EFR3B: variants seen among roughly 807,000 people sequenced by gnomAD.
EFR3B encodes the protein EFR3 homolog B, also known as protein EFR3 homolog B.
EFR3B carries 64 observed loss-of-function variants against 104.7 expected under a neutral mutation model. The ratio of observed to expected loss-of-function variants is 0.61; its 90% CI spans 0.50 to 0.75. The LOEUF (loss-of-function observed/expected upper bound fraction) is 0.75, where lower values mean the gene tolerates loss of function less well. Among genes scored for constraint, EFR3B ranks in the 30% least tolerant of loss-of-function variants. The pLI, the probability that EFR3B is intolerant of heterozygous loss-of-function variation, is 0.00. For synonymous variants in EFR3B, 385 were observed against 417.9 expected, an observed-to-expected ratio of 0.92 and a Z score of 0.96; for missense variants, 750 against 1,078.5, an observed-to-expected ratio of 0.70 and a Z score of 4.27.
At chr2:25,151,069 A>C (rs534463361) in intron 20 of EFR3B, among the ~76,000 whole-genome samples, 5 of 152,182 alleles carry the variant, frequency 3.3e-5, no homozygotes, top group South Asian at 2.1e-4. Context: ...AAAAAAAAAA[A>C]AAAAACTCAA....
In EFR3B at chr2:25,156,290, G is replaced by GTTTTTTCTTTT. The variant is rs1671166574; in HGVS notation, c.*1956_*1957insCTTTTTTTTTT. On this transcript the variant is annotated 3_prime_UTR_variant, in exon 23 of 23. Transcript: ENST00000403714. ...TGTGGGCACACAGCTTCTTTTTCTT[G>GTTTTTTCTTTT]TTTTTTTTTTTTTTTTTTTTTTTTT... 1.4e-5 allele frequency: 1 copy of GTTTTTTCTTTT among 71,750 alleles called. No homozygotes were observed. Among genetic ancestry groups the GTTTTTTCTTTT allele is most frequent in the African/African-American group, 5.6e-5 (1 of 17,866 alleles). 4.4% of individuals were successfully genotyped at this position (71,750 alleles called of 1,614,324 possible).
In EFR3B at chr2:25,135,594, G is replaced by A; in HGVS notation, c.1439G>A (p.Ser480Asn). 2.6e-6 allele frequency: 4 copies of A among 1,551,964 alleles called. No individual in the cohort carries two copies. The highest frequency in any genetic ancestry group is 3.5e-6 in the Non-Finnish European group (4 of 1,147,072). ...CTCTTTGTTCTAGAGATTCTCATCA[G>A]TTTCATTGATCGTCATGGCAACCGC... ...IRLFVLEILI[S>N]FIDRHGNRHK... The change falls in exon 13 of 23, where the codon AGT becomes AAT. Residue 480 changes from serine (S) to asparagine (N), a missense_variant. Physicochemically the swap from Ser to Asn is conservative, Grantham distance 46 (BLOSUM62 1). Coordinates refer to ENST00000403714, the MANE Select transcript of EFR3B (RefSeq NM_014971.2).
At chr2:25,108,985 G>A (rs1183264511) in intron 4 of EFR3B, among the ~76,000 whole-genome samples, 3 of 151,838 alleles carry the variant, frequency 2.0e-5, no homozygotes, top group Non-Finnish European at 2.9e-5. Context: ...CAGCCTGGAT[G>A]ACAAAGTAAG....
intron 22 of EFR3B, 93 bp downstream of exon 22, chr2:25,153,854 C>T (rs965524499): frequency 1.8e-5 from 23 of 1,273,332 alleles, no homozygotes; most frequent in Non-Finnish European, 2.3e-5. Context: ...CTTCTCTTCT[C>T]TCCTCCCCAC....
At chr2:25,148,544 C>T (rs542327637) in intron 19 of EFR3B, among the ~76,000 whole-genome samples, 161 of 151,970 alleles carry the variant, frequency 1.1e-3, no homozygotes, top group African/African-American at 3.7e-3. Flanking sequence ...CATGAGCCAC[C>T]GCATCCGGCC....
chr2:25,065,355 T>TC (rs1668305480), intron 1 of EFR3B, among the ~76,000 whole-genome samples: 2 of 148,598 alleles, frequency 1.3e-5, no homozygotes, highest in Admixed American at 1.3e-4. Flanking sequence ...TATTTTTTTT[T>TC]TTTTTTTTTT....
At chr2:25,088,217 G>C (rs1419602303) in intron 1 of EFR3B, among the ~76,000 whole-genome samples, 4 of 152,104 alleles carry the variant, frequency 2.6e-5, no homozygotes, top group African/African-American at 7.2e-5. Flanking sequence ...CCATTCTGTT[G>C]TGTGAGCTCA....
Position 25,154,405 on chromosome 2 carries a change from C to A in EFR3B, c.*65C>A. On this transcript the variant is annotated 3_prime_UTR_variant, in exon 23 of 23. Transcript: ENST00000403714. The surrounding 1 kb of genome is among the most constrained non-coding windows in gnomAD (Gnocchi z 4.1). ...GGAGGGGCTCACCTCACGCCCACCC[C>A]GACCACATGGAGATCTGGCTGTGAT... is the stretch of plus-strand genomic sequence containing the variant. 1.5e-6 allele frequency: 2 copies of A among 1,378,004 alleles called. No homozygotes were observed. The highest frequency in any genetic ancestry group is 2.0e-6 in the Non-Finnish European group (2 of 994,904). 85.4% of individuals were successfully genotyped at this position (1,378,004 alleles called of 1,614,324 possible).
In EFR3B at chr2:25,130,874, A is replaced by T. The variant is rs1013071455; in HGVS notation, c.849+244A>T. The stretch of plus-strand genomic sequence containing the variant: ...AATTTCTAGAAAAATTAAATAAAAA[A>T]CTCATGCAAAATGCAAGCCTACAGA... On this transcript the variant is annotated intron_variant, in intron 8 of 22. Coordinates refer to ENST00000403714, the MANE Select transcript of EFR3B (RefSeq NM_014971.2). The surrounding 1 kb of genome is among the most constrained non-coding windows in gnomAD (Gnocchi z 4.6). 6.6e-6 allele frequency among the ~76,000 whole-genome samples: 1 copy of T among 152,204 alleles called. No homozygotes were observed. Among genetic ancestry groups the T allele is most frequent in the Non-Finnish European group, 1.5e-5 (1 of 68,040 alleles).
chr2:25,120,938 A>G (rs750974738), intron 4 of EFR3B, among the ~76,000 whole-genome samples: 14 of 152,186 alleles, frequency 9.2e-5, no homozygotes, highest in South Asian at 4.1e-4. Flanking sequence ...GTCTCGCTCT[A>G]TCGCCCAGGC....
chr2:25,099,247 G>A (rs1402884336), intron 3 of EFR3B, among the ~76,000 whole-genome samples: 1 of 152,090 alleles, frequency 6.6e-6, no homozygotes, highest in Non-Finnish European at 1.5e-5. Flanking sequence ...CTGGGACTGG[G>A]TCTGCAAGGC....
chr2:25,130,430 T>C lies in EFR3B; in HGVS notation c.771-122T>C. 3 of 944,828 alleles carry C rather than the reference T, an allele frequency of 3.2e-6. No individual in the cohort carries two copies. Among genetic ancestry groups the C allele is most frequent in the Non-Finnish European group, 5.0e-6 (3 of 599,766 alleles). 58.5% of individuals were successfully genotyped at this position (944,828 alleles called of 1,614,324 possible). A position where few individuals can be genotyped will look rare whatever the true frequency, so the allele number is the denominator to read the frequency against. ...TACCCCAAGGCCCTTCAGGCTTCACTTCCTCACCCGGGAACTGTGCGAGGG... is the reference window on the plus strand; with the variant it reads ...TACCCCAAGGCCCTTCAGGCTTCACCTCCTCACCCGGGAACTGTGCGAGGG... On this transcript the variant is annotated intron_variant, in intron 7 of 22. Coordinates refer to ENST00000403714, the MANE Select transcript of EFR3B (RefSeq NM_014971.2). The surrounding 1 kb of genome is among the most constrained non-coding windows in gnomAD (Gnocchi z 4.6).
chr2:25,046,506 C>CTTTTTTTTTTTTTTTTTTTTTTTTTTT (rs531667109), intron 1 of EFR3B, among the ~76,000 whole-genome samples: 2 of 119,104 alleles, frequency 1.7e-5, no homozygotes, highest in Non-Finnish European at 3.7e-5. Context: ...AGTACAAAGT[C>CTTTTTTTTTTTTTTTTTTTTTTTTTTT]TTTTTTTTTT....
chr2:25,153,854 C>G, intron 22 of EFR3B, 93 bp downstream of exon 22: 1 of 1,273,450 alleles, frequency 7.9e-7, no homozygotes, highest in Admixed American at 2.0e-5. Context: ...CTTCTCTTCT[C>G]TCCTCCCCAC....
At chr2:25,064,663 G>C (rs1277446348) in intron 1 of EFR3B, among the ~76,000 whole-genome samples, 1 of 152,082 alleles carries the variant, frequency 6.6e-6, no homozygotes, top group South Asian at 2.1e-4. Context: ...CGAATGCCTC[G>C]ACGTGCCAAG....
chr2:25,094,997 C>A (rs56385406), intron 3 of EFR3B, among the ~76,000 whole-genome samples: 2 of 151,950 alleles, frequency 1.3e-5, no homozygotes, highest in African/African-American at 4.8e-5. Flanking sequence ...CACCATGTTG[C>A]CCAGCCTGGT....
At chr2:25,090,199 G>A (rs767156627) in intron 1 of EFR3B, among the ~76,000 whole-genome samples, 33 of 152,234 alleles carry the variant, frequency 2.2e-4, no homozygotes, top group Non-Finnish European at 4.7e-4. Context: ...CAGAATGAAG[G>A]GGTGCTTACT....
intron 5 of EFR3B, among the ~76,000 whole-genome samples, chr2:25,122,399 C>T (rs983630804): frequency 6.6e-6 from 1 of 152,190 alleles, no homozygotes; most frequent in African/African-American, 2.4e-5. Flanking sequence ...GCCCTCCATA[C>T]ACTCTTTTGT....
chr2:25,125,506 G>A lies in EFR3B; in HGVS notation c.486-2677G>A, dbSNP rs560300765. Among the ~76,000 whole-genome samples the A allele has an allele frequency of 5.3e-5, 8 of 152,314 alleles. No homozygotes were observed. In the East Asian group the frequency reaches 1.3e-3, roughly 26 times the overall value. On this transcript the variant is annotated intron_variant, in intron 5 of 22. Transcript: ENST00000403714. The stretch of plus-strand genomic sequence containing the variant: ...TGAATGTGGTCAGGGTCAGGACAGC[G>A]TGGCCAGGTGCTTCCAGGGAATCCT...
Sources: allele counts gnomAD v4.1 joint callset (sites outside exome capture counted in the v4.1 genomes callset), GRCh38; gene constraint gnomAD v4.1.1; non-coding constraint Gnocchi (gnomAD v3.1); transcripts MANE v1.5; gene names NCBI Gene and HGNC (gene_info 2026-07-23, HGNC 2026-07-21).